The following PHACTR1 variants were observed in gnomAD, a reference collection of about 807,000 sequenced individuals.
The protein encoded by PHACTR1 is phosphatase and actin regulator 1.
A neutral mutation model predicts 69.2 loss-of-function variants in PHACTR1; 16 were observed. That is an observed-to-expected ratio of 0.23 (90% CI 0.16 to 0.35). The LOEUF is 0.35. PHACTR1 is among the 10% of genes least tolerant of loss of function. The pLI is 1.00. For missense variants in PHACTR1, 510 were observed against 734.7 expected, an observed-to-expected ratio of 0.69 and a Z score of 3.54; for synonymous variants, 312 against 284.5, an observed-to-expected ratio of 1.10 and a Z score of -0.97.
intron 5 of PHACTR1, among the ~76,000 whole-genome samples, chr6:13,123,245 A>G (rs899386286): frequency 6.6e-6 from 1 of 152,170 alleles, no homozygotes; most frequent in South Asian, 2.1e-4. Flanking sequence ...TCCCCTCTGC[A>G]TGGGGAAATC....
chr6:13,195,779 A>AAAAAAAAAAAAAAAG (rs201554952), intron 7 of PHACTR1, among the ~76,000 whole-genome samples: 42 of 118,582 alleles, frequency 3.5e-4, no homozygotes, highest in African/African-American at 4.8e-4. Flanking sequence ...AAAAAAAAAA[A>AAAAAAAAAAAAAAAG]AGTTCATTTG....
intron 4 of PHACTR1, among the ~76,000 whole-genome samples, chr6:12,988,831 A>C (rs1421977576): frequency 1.3e-5 from 2 of 152,242 alleles, no homozygotes; most frequent in Non-Finnish European, 2.9e-5. Context: ...GATCACAGTA[A>C]GAGCCTACTC....
At chr6:13,202,769 G>A (rs997060306) in intron 7 of PHACTR1, among the ~76,000 whole-genome samples, 13 of 152,292 alleles carry the variant, frequency 8.5e-5, no homozygotes, top group East Asian at 1.9e-4. Context: ...GGGCCACCGC[G>A]CCCGCCTGCA....
In PHACTR1 at chr6:12,934,059, G is replaced by C. The variant is rs145126821; in HGVS notation, c.251-119306G>C. ...CTTGAAGTCCCAAATCAAGGTGTTGGTGGGGCCACGGTCCTTTTGCAGGCT... is the reference window on the plus strand; with the variant it reads ...CTTGAAGTCCCAAATCAAGGTGTTGCTGGGGCCACGGTCCTTTTGCAGGCT... On this transcript the variant is annotated intron_variant, in intron 4 of 14. Coordinates refer to ENST00000332995, the MANE Select transcript of PHACTR1 (RefSeq NM_030948.6). The C allele has an allele frequency of 6.6e-6, 9 of 1,354,684 alleles. No homozygotes were observed. In the East Asian group the frequency reaches 2.3e-4, roughly 35 times the overall value. The allele number at this position is 1,354,684 out of a possible 1,614,324, so 83.9% of individuals were successfully genotyped here.
chr6:13,158,734 G>A (rs917626169), intron 5 of PHACTR1, among the ~76,000 whole-genome samples: 15 of 152,212 alleles, frequency 9.9e-5, no homozygotes, highest in Non-Finnish European at 1.8e-4. Flanking sequence ...GTGTGGCAAA[G>A]TGACTTGACT....
chr6:13,041,074 CT>C (rs773524344), intron 4 of PHACTR1, among the ~76,000 whole-genome samples: 1 of 152,124 alleles, frequency 6.6e-6, no homozygotes, highest in Non-Finnish European at 1.5e-5. Flanking sequence ...TAACAGGTGA[CT>C]TTCTCTGTTG....
At chr6:13,157,757 A>G (rs986669590) in intron 5 of PHACTR1, among the ~76,000 whole-genome samples, 2 of 152,194 alleles carry the variant, frequency 1.3e-5, no homozygotes, top group African/African-American at 4.8e-5. Flanking sequence ...ATCTCTTTAT[A>G]TTCGGATGGC....
At chr6:13,065,529 T>C (rs569349874) in intron 5 of PHACTR1, among the ~76,000 whole-genome samples, 2 of 151,884 alleles carry the variant, frequency 1.3e-5, no homozygotes, top group South Asian at 2.1e-4. Context: ...GGGATTTAGA[T>C]AGCATGTGGT....
chr6:12,958,579 A>G (rs1438204542), intron 4 of PHACTR1, among the ~76,000 whole-genome samples: 1 of 152,216 alleles, frequency 6.6e-6, no homozygotes, highest in Non-Finnish European at 1.5e-5. Context: ...GGGAACTGAT[A>G]ACAGCTCACT....
chr6:13,010,947 T>C (rs1411171563), intron 4 of PHACTR1, among the ~76,000 whole-genome samples: 1 of 152,216 alleles, frequency 6.6e-6, no homozygotes, highest in African/African-American at 2.4e-5. Flanking sequence ...CCCTGCTGCC[T>C]GCTGAGGCAA....
chr6:12,914,452 A>G (rs11752131), intron 4 of PHACTR1, among the ~76,000 whole-genome samples: 1 of 152,280 alleles, frequency 6.6e-6, no homozygotes, highest in Non-Finnish European at 1.5e-5. Context: ...CTGAAACTGT[A>G]TGTCCGCACT....
intron 5 of PHACTR1, among the ~76,000 whole-genome samples, chr6:13,137,897 G>C (rs1368505112): frequency 2.0e-5 from 3 of 152,232 alleles, no homozygotes; most frequent in Non-Finnish European, 4.4e-5. Flanking sequence ...AATAAGGGGA[G>C]AGAATTCTCA....
intron 5 of PHACTR1, among the ~76,000 whole-genome samples, chr6:13,149,390 C>T (rs540309820): frequency 9.9e-5 from 15 of 152,130 alleles, no homozygotes; most frequent in Non-Finnish European, 2.2e-4. Flanking sequence ...TATTTGTGCA[C>T]AGAACCCTTT....
In PHACTR1 at chr6:12,841,328, T is replaced by A. The variant is rs182058032; in HGVS notation, c.250+91538T>A. 1.2e-3 allele frequency among the ~76,000 whole-genome samples: 178 copies of A among 152,324 alleles called. 1 individual carries two copies. The highest frequency in any genetic ancestry group is 3.4e-3 in the African/African-American group (141 of 41,572). On this transcript the variant is annotated intron_variant, in intron 4 of 14. Coordinates refer to ENST00000332995, the MANE Select transcript of PHACTR1 (RefSeq NM_030948.6). ...TTGTTGTTTGCTGTGCAGAATCACA[T>A]CATTCTACTTAAAGAGTGTGCCTCT...
At chr6:12,918,980 T>C (rs943336619) in intron 4 of PHACTR1, among the ~76,000 whole-genome samples, 2 of 152,104 alleles carry the variant, frequency 1.3e-5, no homozygotes, top group African/African-American at 2.4e-5. Context: ...TGTAAAGACT[T>C]TTTATTTTTA....
intron 3 of PHACTR1, among the ~76,000 whole-genome samples, chr6:12,743,850 T>A (rs922147459): frequency 6.6e-6 from 1 of 152,160 alleles, no homozygotes; most frequent in Non-Finnish European, 1.5e-5. Flanking sequence ...CAACAGAATA[T>A]ACATTCTTCT....
In PHACTR1 at chr6:13,287,049, GTT is replaced by G; in HGVS notation, c.1728-12_1728-11del. The G allele has an allele frequency of 6.2e-7, 1 of 1,607,700 alleles. No individual in the cohort carries two copies. The highest frequency in any genetic ancestry group is 8.5e-7 in the Non-Finnish European group (1 of 1,176,854). On this transcript the variant is annotated splice_polypyrimidine_tract_variant and intron_variant, in intron 14 of 14. Coordinates refer to ENST00000332995, the MANE Select transcript of PHACTR1 (RefSeq NM_030948.6). ...GCAGCCCCTTGGTCTTGATGTAATT[GTT>G]TGTTTCCTTAGGTTTCACCGACCTT...
At chr6:12,953,508 T>C (rs1464378130) in intron 4 of PHACTR1, among the ~76,000 whole-genome samples, 1 of 152,188 alleles carries the variant, frequency 6.6e-6, no homozygotes, top group Non-Finnish European at 1.5e-5. Flanking sequence ...TTAACAAATA[T>C]GTAACCCTGT....
At chr6:12,819,972 C>G (rs73360088) in intron 4 of PHACTR1, among the ~76,000 whole-genome samples, 1 of 152,112 alleles carries the variant, frequency 6.6e-6, no homozygotes, top group Non-Finnish European at 1.5e-5. Flanking sequence ...TGCCTAAATA[C>G]GTAGCAACTC....
Sources: allele counts gnomAD v4.1 joint callset (sites outside exome capture counted in the v4.1 genomes callset), GRCh38; gene constraint gnomAD v4.1.1; transcripts MANE v1.5; gene names NCBI Gene and HGNC (gene_info 2026-07-23, HGNC 2026-07-21).